The following ZZZ3 variants were observed in gnomAD, a reference collection of about 807,000 sequenced individuals.
ZZZ3 encodes ZZ-type zinc finger-containing protein 3.
A neutral mutation model predicts 95.2 loss-of-function variants in ZZZ3; 22 were observed. The observed-to-expected ratio is 0.23, with a 90% confidence interval of 0.17 to 0.33. The LOEUF (loss-of-function observed/expected upper bound fraction) is 0.33, where lower values mean the gene tolerates loss of function less well. Among genes scored for constraint, ZZZ3 ranks in the 10% least tolerant of loss-of-function variants. The pLI, the probability that ZZZ3 is intolerant of heterozygous loss-of-function variation, is 1.00. For synonymous variants in ZZZ3, 335 were observed against 358.9 expected (o/e 0.93, Z 0.75); for missense variants, 885 against 1,066.5 (o/e 0.83, Z 2.37).
At chr1:77,667,690 T>A (rs1332768582) in intron 1 of ZZZ3, among the ~76,000 whole-genome samples, 1 of 152,004 alleles carries the variant, frequency 6.6e-6, no homozygotes, top group Non-Finnish European at 1.5e-5. Context: ...ACTGTTCACA[T>A]CACTTTAAAT....
At chr1:77,680,141 A>G (rs1020486803) in intron 1 of ZZZ3, among the ~76,000 whole-genome samples, 1 of 152,272 alleles carries the variant, frequency 6.6e-6, no homozygotes, top group African/African-American at 2.4e-5. Context: ...ATTTAACAGA[A>G]TAGCTTTATC....
At chr1:77,675,767 CAT>C (rs1260034768) in intron 1 of ZZZ3, among the ~76,000 whole-genome samples, 15 of 152,038 alleles carry the variant, frequency 9.9e-5, no homozygotes, top group Non-Finnish European at 1.2e-4. Flanking sequence ...TGTAAACAAA[CAT>C]AAATACCTTT....
At chr1:77,656,333 T>G (rs1670263884) in intron 1 of ZZZ3, among the ~76,000 whole-genome samples, 1 of 151,980 alleles carries the variant, frequency 6.6e-6, no homozygotes, top group Admixed American at 6.6e-5. Flanking sequence ...TTAATGTCAA[T>G]TTTTTTTAAG....
At chr1:77,624,869 G>A (rs1667200378) in intron 5 of ZZZ3, among the ~76,000 whole-genome samples, 3 of 152,094 alleles carry the variant, frequency 2.0e-5, no homozygotes, top group Admixed American at 6.6e-5. Flanking sequence ...TAACCTGTGG[G>A]GTCTGCACTA....
At chr1:77,678,485 A>C (rs1672469382) in intron 1 of ZZZ3, among the ~76,000 whole-genome samples, 1 of 152,206 alleles carries the variant, frequency 6.6e-6, no homozygotes, top group African/African-American at 2.4e-5. Context: ...TTACTTCCTT[A>C]AACATAGTAC....
At chr1:77,657,866 A>G (rs1362772844) in intron 1 of ZZZ3, among the ~76,000 whole-genome samples, 2 of 152,156 alleles carry the variant, frequency 1.3e-5, no homozygotes, top group East Asian at 3.9e-4. Context: ...AGCTTACCCC[A>G]TTTCAACAAC....
chr1:77,614,404 T>A (rs1327093076), intron 5 of ZZZ3, among the ~76,000 whole-genome samples: 3 of 152,232 alleles, frequency 2.0e-5, no homozygotes, highest in African/African-American at 4.8e-5. Context: ...ATTACCCAGC[T>A]AAGGGCTAAG....
At chr1:77,651,454 T>C (rs1420505743) in intron 1 of ZZZ3, among the ~76,000 whole-genome samples, 4 of 152,212 alleles carry the variant, frequency 2.6e-5, no homozygotes, top group Non-Finnish European at 5.9e-5. Context: ...TAAACAAGTT[T>C]ATTACATATG....
intron 5 of ZZZ3, among the ~76,000 whole-genome samples, chr1:77,616,682 G>C (rs1017034436): frequency 6.6e-5 from 10 of 152,124 alleles, no homozygotes; most frequent in Admixed American, 1.3e-4. Flanking sequence ...GGCCAATATG[G>C]TGAAACCCCA....
chr1:77,648,993 GGT>G (rs1669558453), intron 1 of ZZZ3, among the ~76,000 whole-genome samples: 1 of 152,056 alleles, frequency 6.6e-6, no homozygotes, highest in Non-Finnish European at 1.5e-5. Flanking sequence ...CAAGAGTGGT[GGT>G]GTGTGCCTGT....
At chr1:77,592,853 C>T (rs78223713) in intron 5 of ZZZ3, among the ~76,000 whole-genome samples, 1 of 152,094 alleles carries the variant, frequency 6.6e-6, no homozygotes, top group African/African-American at 2.4e-5. Flanking sequence ...AACCAATATA[C>T]AGCTGGAGAA....
intron 5 of ZZZ3, among the ~76,000 whole-genome samples, chr1:77,619,940 A>G (rs1666685232): frequency 6.6e-6 from 1 of 152,184 alleles, no homozygotes; most frequent in South Asian, 2.1e-4. Context: ...TGACATTTTC[A>G]AAGCAGTATA....
At chr1:77,567,419 C>CT (rs1364324811) in intron 13 of ZZZ3, among the ~76,000 whole-genome samples, 21 of 152,290 alleles carry the variant, frequency 1.4e-4, no homozygotes, top group African/African-American at 4.8e-4. Context: ...CACTGCTTTC[C>CT]TAAAGATCAT....
chr1:77,613,135 T>C (rs896055392), intron 5 of ZZZ3, among the ~76,000 whole-genome samples: 1 of 152,070 alleles, frequency 6.6e-6, no homozygotes, highest in African/African-American at 2.4e-5. Context: ...AGTTGACACA[T>C]TTTGCCTTCA....
At chr1:77,611,059 C>T (rs539066222) in intron 5 of ZZZ3, among the ~76,000 whole-genome samples, 2 of 151,682 alleles carry the variant, frequency 1.3e-5, no homozygotes, top group Admixed American at 1.3e-4. Flanking sequence ...TGATCTTATA[C>T]ATAGAAAACC....
upstream of ZZZ3, chr1:77,683,181 G>A (rs1409792753): frequency 8.0e-6 from 1 of 125,676 alleles, no homozygotes; most frequent in Non-Finnish European, 1.6e-5. Flanking sequence ...CAAGCCGATC[G>A]TTTCCCACCC....
At position 77,632,488 on chromosome 1, in the gene ZZZ3, C is replaced by T; in HGVS notation, c.867G>A (p.Val289=). The T allele has an allele frequency of 6.2e-7, 1 of 1,614,156 alleles. No homozygotes were observed. Among genetic ancestry groups the T allele is most frequent in the Non-Finnish European group, 8.5e-7 (1 of 1,180,010 alleles). Residue 289 remains valine, a synonymous_variant, in exon 5 of 15, where the codon GTG becomes GTA. Coordinates refer to ENST00000370801, the MANE Select transcript of ZZZ3 (RefSeq NM_015534.6). Reference sequence around the variant, plus strand: ...CAGTAGTCAGCTGATTAACATGTTCCACAGGCAAGCAGGCAGTTACTATTT... The same window carrying T: ...CAGTAGTCAGCTGATTAACATGTTCTACAGGCAAGCAGGCAGTTACTATTT... ...DHKIVTACLP[V]EHVNQLTTEP...
At chr1:77,579,406 T>C (rs1042597304) in intron 10 of ZZZ3, 121 bp downstream of exon 10, 1 of 679,344 alleles carries the variant, frequency 1.5e-6, no homozygotes, top group Non-Finnish European at 2.5e-6. Context: ...AAACACCACA[T>C]ACTACAGCAC....
chr1:77,640,650 A>AT (rs1314100443), intron 3 of ZZZ3, among the ~76,000 whole-genome samples: 1 of 152,018 alleles, frequency 6.6e-6, no homozygotes, highest in Non-Finnish European at 1.5e-5. Flanking sequence ...ATGGGTTACT[A>AT]TGAGTGCCCA....
Sources: gnomAD v4.1 joint callset for allele counts (sites outside exome capture counted in the v4.1 genomes callset) on GRCh38, gnomAD v4.1.1 for gene constraint, MANE v1.5 for transcripts, NCBI Gene and HGNC (gene_info 2026-07-23, HGNC 2026-07-21) for gene names.